PCDHGA1: variants seen among roughly 807,000 people sequenced by gnomAD.
PCDHGA1 encodes protocadherin gamma-A1.
PCDHGA1 carries 32 observed loss-of-function variants against 58.0 expected under a neutral mutation model. That is an observed-to-expected ratio of 0.55 (90% CI 0.42 to 0.74). The LOEUF is 0.74. PCDHGA1 is among the 30% of genes least tolerant of loss of function. PCDHGA1 has a pLI of 0.00. For synonymous variants in PCDHGA1, 498 were observed against 501.1 expected (o/e 0.99, Z 0.08); for missense variants, 1,205 against 1,182.3 (o/e 1.02, Z -0.28).
In PCDHGA1 at chr5:141,397,217, T is replaced by C. The variant is rs534809290; in HGVS notation, c.2421+64112T>C. On this transcript the variant is annotated intron_variant, in intron 1 of 3. Transcript: ENST00000517417. The stretch of plus-strand genomic sequence containing the variant: ...AAAGATATGACATAAGAGAAGTATT[T>C]TGAGATATGAAGAAGAGCAACGTAG... Among the ~76,000 whole-genome samples, 15 of 152,296 alleles carry C rather than the reference T, an allele frequency of 9.8e-5. No individual in the cohort carries two copies. In the East Asian group the frequency reaches 2.5e-3, roughly 25 times the overall value.
chr5:141,468,952 G>GA (rs2099186671), intron 1 of PCDHGA1, among the ~76,000 whole-genome samples: 1 of 151,198 alleles, frequency 6.6e-6, no homozygotes. Context: ...TAAACCTGTG[G>GA]TTTTTTTTAC....
chr5:141,357,080 G>T (rs1760455892), intron 1 of PCDHGA1: 2 of 1,613,924 alleles, frequency 1.2e-6, no homozygotes, highest in Non-Finnish European at 1.7e-6. Context: ...GGCGAGGTGC[G>T]CACCGCACGG....
intron 1 of PCDHGA1, chr5:141,382,748 C>T (rs753044238): frequency 2.3e-5 from 14 of 606,870 alleles, no homozygotes; most frequent in Non-Finnish European, 3.6e-5. Context: ...CGACAGATTG[C>T]GATAAGCCCT....
intron 1 of PCDHGA1, chr5:141,404,766 C>T (rs1489047184): frequency 6.2e-7 from 1 of 1,613,940 alleles, no homozygotes; most frequent in East Asian, 2.2e-5. Flanking sequence ...GCTTGGCTCT[C>T]CTACCGCCTA....
rs764919264 is a variant in PCDHGA1, at chr5:141,383,778, T to A, written c.2421+50673T>A. 2.5e-6 allele frequency: 4 copies of A among 1,614,004 alleles called. No individual in the cohort carries two copies. The South Asian group carries it at 4.4e-5, about 18-fold the overall frequency. ...CTCCTAAACTTCCAAAGATGTTTCA[T>A]CTGAACTCGCTTACAGGAGAAATAT... is the stretch of plus-strand genomic sequence containing the variant. On this transcript the variant is annotated intron_variant, in intron 1 of 3. Coordinates refer to ENST00000517417, the MANE Select transcript of PCDHGA1 (RefSeq NM_018912.3).
At chr5:141,382,958 TG>T in intron 1 of PCDHGA1, 1 of 1,606,924 alleles carries the variant, frequency 6.2e-7, no homozygotes, top group Middle Eastern at 1.7e-4. Flanking sequence ...TCCATCCTCC[TG>T]GGGACCCCCT....
chr5:141,417,038 T>TTA (rs1491140470), intron 1 of PCDHGA1: 1 of 145,854 alleles, frequency 6.9e-6, no homozygotes, highest in Non-Finnish European at 1.5e-5. Context: ...GTTTTTTTTT[T>TTA]AAAAAAAACT....
At position 141,485,709 on chromosome 5, in the gene PCDHGA1, C is replaced by A. The variant is rs2099618118; in HGVS notation, c.2422-9098C>A. On this transcript the variant is annotated intron_variant, in intron 1 of 3. Transcript: ENST00000517417. This position sits in a 1 kb window ranked among gnomAD's most constrained non-coding sequence, Gnocchi z 5.7. ...AGGCTGAGCTCCAATGAACACTTTGCACTGGATGTGAAGAAGCGCAGCGAC... is the reference window on the plus strand; with the variant it reads ...AGGCTGAGCTCCAATGAACACTTTGAACTGGATGTGAAGAAGCGCAGCGAC... The A allele has an allele frequency of 1.2e-6, 2 of 1,614,128 alleles. No homozygotes were observed. The highest frequency in any genetic ancestry group is 1.7e-6 in the Non-Finnish European group (2 of 1,180,028).
chr5:141,409,502 T>C, intron 1 of PCDHGA1: 2 of 1,613,986 alleles, frequency 1.2e-6, no homozygotes, highest in South Asian at 1.1e-5. Flanking sequence ...GCCTCTTTCT[T>C]CCAGTAGAAG....
rs760432512 is a variant in PCDHGA1, at chr5:141,346,043, C to T, written c.2421+12938C>T. The T allele has an allele frequency of 3.7e-6, 6 of 1,613,604 alleles. No homozygotes were observed. In the East Asian group the frequency reaches 6.7e-5, roughly 18 times the overall value. On this transcript the variant is annotated intron_variant, in intron 1 of 3. Coordinates refer to ENST00000517417, the MANE Select transcript of PCDHGA1 (RefSeq NM_018912.3). Reference sequence around the variant, plus strand: ...TGGCCGTGGCCGACAGGATCCCCGACATCCTGGCCGACCTGGGCAGCCTCG... The same window carrying T: ...TGGCCGTGGCCGACAGGATCCCCGATATCCTGGCCGACCTGGGCAGCCTCG...
intron 1 of PCDHGA1, among the ~76,000 whole-genome samples, chr5:141,469,096 G>A (rs1191827174): frequency 6.6e-6 from 1 of 151,944 alleles, no homozygotes; most frequent in Non-Finnish European, 1.5e-5. Flanking sequence ...AGGCAACAAA[G>A]CAAGAACCTG....
intron 1 of PCDHGA1, chr5:141,418,422 G>A: frequency 6.2e-7 from 1 of 1,613,996 alleles, no homozygotes; most frequent in East Asian, 2.2e-5. Context: ...AATCCTGATG[G>A]TGGCAAATAT....
At chr5:141,375,054 G>A (rs749207935) in intron 1 of PCDHGA1, 3 of 1,614,004 alleles carry the variant, frequency 1.9e-6, no homozygotes, top group Non-Finnish European at 2.5e-6. Flanking sequence ...GCCCGGGATG[G>A]GCCAGGTCTT....
intron 3 of PCDHGA1, among the ~76,000 whole-genome samples, chr5:141,506,032 G>A (rs994735467): frequency 5.9e-5 from 9 of 152,166 alleles, no homozygotes; most frequent in Non-Finnish European, 1.0e-4. Context: ...TCCAGAGTAG[G>A]ATTCTGGTTT....
chr5:141,374,410 T>G, intron 1 of PCDHGA1: 1 of 1,614,012 alleles, frequency 6.2e-7, no homozygotes. Context: ...TTAACATCCT[T>G]GTCGAGGATA....
At chr5:141,370,837 C>T in intron 1 of PCDHGA1, 1 of 1,614,004 alleles carries the variant, frequency 6.2e-7, no homozygotes, top group Non-Finnish European at 8.5e-7. Flanking sequence ...CTGGCTCTCA[C>T]TGGAGCCACA....
intron 1 of PCDHGA1, among the ~76,000 whole-genome samples, chr5:141,387,047 TTGTGTAA>T (rs1005909383): frequency 1.3e-4 from 20 of 152,186 alleles, no homozygotes; most frequent in African/African-American, 4.8e-4. Flanking sequence ...AGTAAAATAA[TTGTGTAA>T]TGAGGAGAGG....
At position 141,476,304 on chromosome 5, in the gene PCDHGA1, C is replaced by T. The variant is rs769790423; in HGVS notation, c.2422-18503C>T. On this transcript the variant is annotated intron_variant, in intron 1 of 3. Coordinates refer to ENST00000517417, the MANE Select transcript of PCDHGA1 (RefSeq NM_018912.3). The surrounding 1 kb of genome is among the most constrained non-coding windows in gnomAD (Gnocchi z 7.6). Reference sequence around the variant, plus strand: ...GGTTTGGATCTCGGTAGCCTCTCAGCCCGCAGGTTCCGGGTGGTGTCTGGA... The same window carrying T: ...GGTTTGGATCTCGGTAGCCTCTCAGTCCGCAGGTTCCGGGTGGTGTCTGGA... The T allele has an allele frequency of 6.2e-7, 1 of 1,613,746 alleles. No individual in the cohort carries two copies. Among genetic ancestry groups the T allele is most frequent in the Admixed American group, 1.7e-5 (1 of 59,988 alleles).
At chr5:141,403,153 C>T (rs2094362720) in intron 1 of PCDHGA1, 2 of 1,614,060 alleles carry the variant, frequency 1.2e-6, no homozygotes, top group Non-Finnish European at 1.7e-6. Flanking sequence ...TCCGCATCGT[C>T]TCTAGAGGTA....
Sources: allele counts gnomAD v4.1 joint callset (sites outside exome capture counted in the v4.1 genomes callset), GRCh38; gene constraint gnomAD v4.1.1; non-coding constraint Gnocchi (gnomAD v3.1); transcripts MANE v1.5; gene names NCBI Gene and HGNC (gene_info 2026-07-23, HGNC 2026-07-21).